Variants in FGF14 observed in about 807,000 individuals in gnomAD.
The protein encoded by FGF14 is fibroblast growth factor homologous factor 4.
In FGF14, 5 loss-of-function variants were observed where a neutral mutation model predicts 25.5. That is an observed-to-expected ratio of 0.20 (90% CI 0.10 to 0.41). FGF14 has a LOEUF of 0.41. Among genes scored for constraint, FGF14 ranks in the 10% least tolerant of loss-of-function variants. FGF14 has a pLI of 1.00. For missense variants in FGF14, 222 were observed against 320.1 expected, an observed-to-expected ratio of 0.69 and a Z score of 2.34; for synonymous variants, 138 against 118.3, an observed-to-expected ratio of 1.17 and a Z score of -1.08.
intron 1 of FGF14, among the ~76,000 whole-genome samples, chr13:102,103,855 G>C (rs1193067778): frequency 1.3e-5 from 2 of 152,058 alleles, no homozygotes; most frequent in South Asian, 2.1e-4. Context: ...AGCGCCAGAG[G>C]GTCCTTCTTC....
Position 102,161,569 on chromosome 13 carries a change from G to GT in FGF14, c.208+239901_208+239902insA, listed in dbSNP as rs372861912. On this transcript the variant is annotated intron_variant, in intron 1 of 4. Coordinates refer to the FGF14 transcript ENST00000376131. Reference sequence around the variant, plus strand: ...CTCTATGCAACCAACTTTCTGTGAAGAAAGAAAGAAGAAGAAGAAGAAGAA... The same window carrying GT: ...CTCTATGCAACCAACTTTCTGTGAAGTAAAGAAAGAAGAAGAAGAAGAAGAA... Among the ~76,000 whole-genome samples, 18 of 18,316 alleles carry GT rather than the reference G, an allele frequency of 9.8e-4. 1 individual carries two copies. The highest frequency in any genetic ancestry group is 2.4e-3 in the African/African-American group (5 of 2,110). The allele number at this position is 18,316 out of a possible 152,430, so 12.0% of individuals were successfully genotyped here.
intron 1 of FGF14, among the ~76,000 whole-genome samples, chr13:102,351,633 C>T (rs560893941): frequency 8.7e-4 from 133 of 152,324 alleles, no homozygotes; most frequent in African/African-American, 3.0e-3. Context: ...CTTCTCAAGG[C>T]TTCACAGGGA....
At chr13:102,380,367 AG>A (rs935164267) in intron 1 of FGF14, among the ~76,000 whole-genome samples, 1 of 152,138 alleles carries the variant, frequency 6.6e-6, no homozygotes, top group Non-Finnish European at 1.5e-5. Context: ...AATTATATCT[AG>A]CAACTTAAAT....
chr13:101,732,937 A>G (rs575019241), intron 3 of FGF14, among the ~76,000 whole-genome samples: 3 of 152,188 alleles, frequency 2.0e-5, no homozygotes, highest in Non-Finnish European at 4.4e-5. Flanking sequence ...ATCTGAGGTC[A>G]GCAGAGATTT....
intron 3 of FGF14, among the ~76,000 whole-genome samples, chr13:101,787,498 A>G (rs906621688): frequency 6.6e-6 from 1 of 152,022 alleles, no homozygotes; most frequent in African/African-American, 2.4e-5. Context: ...TTTTCCACTG[A>G]GTTACAAACC....
intron 1 of FGF14, among the ~76,000 whole-genome samples, chr13:102,327,522 C>T (rs1423140469): frequency 6.6e-6 from 1 of 152,154 alleles, no homozygotes; most frequent in African/African-American, 2.4e-5. Context: ...CAGAGGGCGA[C>T]TGTACTACGA....
chr13:102,314,584 T>C (rs1252491676), intron 1 of FGF14, among the ~76,000 whole-genome samples: 1 of 152,220 alleles, frequency 6.6e-6, no homozygotes, highest in African/African-American at 2.4e-5. Context: ...AGTATAGTTT[T>C]ATTATCACAG....
chr13:102,017,545 CTCTTTA>C (rs1174876962), intron 1 of FGF14, among the ~76,000 whole-genome samples: 5 of 152,180 alleles, frequency 3.3e-5, no homozygotes, highest in African/African-American at 9.6e-5. Context: ...TTATTATTTT[CTCTTTA>C]TCATTAGAAT....
chr13:101,896,758 G>T (rs1271803141), intron 1 of FGF14, among the ~76,000 whole-genome samples: 3 of 152,124 alleles, frequency 2.0e-5, no homozygotes, highest in African/African-American at 7.2e-5. Flanking sequence ...CTACAATGAT[G>T]CAATGCTGCA....
intron 1 of FGF14, among the ~76,000 whole-genome samples, chr13:102,014,555 G>A (rs558476966): frequency 1.3e-5 from 2 of 152,188 alleles, no homozygotes; most frequent in Non-Finnish European, 2.9e-5. Context: ...ACCAATTATC[G>A]AAAAGTGATT....
intron 1 of FGF14, among the ~76,000 whole-genome samples, chr13:102,248,815 A>C: frequency 6.6e-6 from 1 of 152,202 alleles, no homozygotes; most frequent in East Asian, 1.9e-4. Flanking sequence ...GTGAAAAATA[A>C]ATGAACAAGA....
intron 1 of FGF14, among the ~76,000 whole-genome samples, chr13:102,315,732 C>T (rs560800639): frequency 6.6e-6 from 1 of 152,106 alleles, no homozygotes; most frequent in Non-Finnish European, 1.5e-5. Flanking sequence ...CAGCTTGGGT[C>T]CTGTGTACCT....
chr13:102,322,477 G>T (rs1235981862), intron 1 of FGF14, among the ~76,000 whole-genome samples: 2 of 152,104 alleles, frequency 1.3e-5, no homozygotes, highest in Non-Finnish European at 2.9e-5. Flanking sequence ...TGAGTCATGG[G>T]CATTTATGAA....
intron 1 of FGF14, among the ~76,000 whole-genome samples, chr13:102,151,973 A>G (rs2140507300): frequency 6.6e-6 from 1 of 152,314 alleles, no homozygotes; most frequent in African/African-American, 2.4e-5. Flanking sequence ...AGCCCATTTT[A>G]CTGCTGAGGA....
intron 1 of FGF14, among the ~76,000 whole-genome samples, chr13:101,933,842 ATAT>A (rs1413338280): frequency 7.0e-6 from 1 of 142,880 alleles, no homozygotes; most frequent in Non-Finnish European, 1.6e-5. Flanking sequence ...ATTACTCTAA[ATAT>A]TATTGCTCAT....
intron 1 of FGF14, among the ~76,000 whole-genome samples, chr13:101,978,458 C>A (rs1320133232): frequency 1.3e-5 from 2 of 152,164 alleles, no homozygotes; most frequent in Non-Finnish European, 2.9e-5. Context: ...CCAAAAAACA[C>A]TGTTATCAAA....
At chr13:102,324,646 C>T (rs1182111923) in intron 1 of FGF14, among the ~76,000 whole-genome samples, 1 of 152,090 alleles carries the variant, frequency 6.6e-6, no homozygotes, top group Non-Finnish European at 1.5e-5. Context: ...ATAATTATCA[C>T]CGGGTGTCAG....
intron 1 of FGF14, among the ~76,000 whole-genome samples, chr13:102,094,381 A>C (rs117389415): frequency 6.6e-6 from 1 of 152,224 alleles, no homozygotes; most frequent in East Asian, 1.9e-4. Flanking sequence ...ATAACAAGAG[A>C]AGCTGTATCT....
chr13:102,003,538 C>T (rs1414246701), intron 1 of FGF14, among the ~76,000 whole-genome samples: 4 of 152,094 alleles, frequency 2.6e-5, no homozygotes, highest in Non-Finnish European at 5.9e-5. Flanking sequence ...GGACCATAGG[C>T]CACAAGATAA....
Sources: gnomAD v4.1 joint callset for allele counts (sites outside exome capture counted in the v4.1 genomes callset) on GRCh38, gnomAD v4.1.1 for gene constraint, MANE v1.5 for transcripts, NCBI Gene and HGNC (gene_info 2026-07-23, HGNC 2026-07-21) for gene names.